TLCD4: variants seen among roughly 807,000 people sequenced by gnomAD.
TLCD4 encodes TLC domain containing 4.
Under a neutral mutation model 24.2 loss-of-function variants are expected in TLCD4, and 7 were observed. The observed-to-expected ratio is 0.29, with a 90% CI of 0.16 to 0.54. The LOEUF is 0.54. TLCD4 is among the 20% of genes least tolerant of loss of function. The pLI is 0.95. For synonymous variants in TLCD4, 103 were observed against 106.4 expected, an observed-to-expected ratio of 0.97 and a Z score of 0.20; for missense variants, 259 against 313.9, an observed-to-expected ratio of 0.82 and a Z score of 1.32.
chr1:95,120,411 C>T (rs1432300570), intron 1 of TLCD4: 1 of 152,218 alleles, frequency 6.6e-6, no homozygotes, highest in Non-Finnish European at 1.5e-5. Context: ...CTTGTTATTC[C>T]TGGTGAGACA....
intron 1 of TLCD4, among the ~76,000 whole-genome samples, chr1:95,128,545 G>T (rs1298664296): frequency 6.6e-6 from 1 of 152,142 alleles, no homozygotes; most frequent in Non-Finnish European, 1.5e-5. Context: ...GATACCAGTG[G>T]GAGAAATGAT....
At chr1:95,136,207 C>T (rs956263326) in intron 1 of TLCD4, among the ~76,000 whole-genome samples, 10 of 152,138 alleles carry the variant, frequency 6.6e-5, no homozygotes, top group African/African-American at 2.4e-4. Context: ...AAAAGATGCA[C>T]TTCCACTCTT....
At chr1:95,105,775 G>T in the TLCD4 span, among the ~76,000 whole-genome samples, 15 of 151,654 alleles carry the variant, frequency 9.9e-5, no homozygotes, top group Non-Finnish European at 2.9e-5. Context: ...GGTGCCTGTA[G>T]TCCCAGCTAC....
intron 5 of TLCD4, among the ~76,000 whole-genome samples, chr1:95,157,094 T>G (rs1159551726): frequency 6.6e-6 from 1 of 152,172 alleles, no homozygotes; most frequent in Non-Finnish European, 1.5e-5. Context: ...AATAATGTTT[T>G]AGCAGAGGCC....
intron 5 of TLCD4, among the ~76,000 whole-genome samples, chr1:95,168,643 C>T (rs1405173333): frequency 1.5e-5 from 2 of 136,952 alleles, no homozygotes; most frequent in African/African-American, 5.4e-5. Flanking sequence ...CCTGCCTCTG[C>T]TGGCATTATA....
chr1:95,148,921 A>T, intron 3 of TLCD4, 130 bp downstream of exon 3: 1 of 1,226,380 alleles, frequency 8.2e-7, no homozygotes, highest in Non-Finnish European at 1.1e-6. Context: ...GCTTGTGCTC[A>T]GACATTCTAG....
chr1:95,110,240 C>T, the TLCD4 span, among the ~76,000 whole-genome samples: 1 of 151,670 alleles, frequency 6.6e-6, no homozygotes, highest in East Asian at 1.9e-4. Context: ...TCCTCTAGTT[C>T]CTTTGACTGA....
the TLCD4 span, among the ~76,000 whole-genome samples, chr1:95,099,864 G>T: frequency 6.6e-6 from 1 of 151,826 alleles, no homozygotes; most frequent in South Asian, 2.1e-4. Context: ...AGGTACGGTG[G>T]CTCACGTCTA....
At chr1:95,102,682 G>A in the TLCD4 span, among the ~76,000 whole-genome samples, 2 of 152,200 alleles carry the variant, frequency 1.3e-5, no homozygotes, top group African/African-American at 4.8e-5. Context: ...ACAGGGTTAA[G>A]CCAAAGCTAA....
chr1:95,192,122 C>G lies in TLCD4; in HGVS notation c.*254C>G, dbSNP rs1395944944. 10 of 573,108 alleles carry G rather than the reference C, an allele frequency of 1.7e-5. No homozygotes were observed. In the Admixed American group the frequency reaches 2.7e-4, roughly 15 times the overall value. 35.5% of individuals were successfully genotyped at this position (573,108 alleles called of 1,614,324 possible). On this transcript the variant is annotated 3_prime_UTR_variant, in exon 7 of 7. Transcript: ENST00000370203. ...ACTAGCTTGGCCAACATGGTGAAACCTCATCTCTACTAAAAATACAAAAAA... is the reference window on the plus strand; with the variant it reads ...ACTAGCTTGGCCAACATGGTGAAACGTCATCTCTACTAAAAATACAAAAAA...
upstream of TLCD4, chr1:95,117,279 C>T (rs1452846337): frequency 6.6e-6 from 1 of 152,296 alleles, no homozygotes; most frequent in Non-Finnish European, 1.5e-5. Context: ...CGGCCCGCCT[C>T]GGGGCCCCGC....
chr1:95,168,163 A>T (rs2100980218), intron 5 of TLCD4, among the ~76,000 whole-genome samples: 1 of 152,318 alleles, frequency 6.6e-6, no homozygotes, highest in East Asian at 1.9e-4. Flanking sequence ...AAAAGTATTA[A>T]CCATTCATTA....
intron 1 of TLCD4, among the ~76,000 whole-genome samples, chr1:95,130,374 A>C (rs1054142220): frequency 2.0e-5 from 3 of 152,070 alleles, no homozygotes; most frequent in African/African-American, 7.2e-5. Context: ...GGCTGGTTTC[A>C]AACTCCTGAT....
chr1:95,174,662 CAG>C (rs936926790), intron 6 of TLCD4, among the ~76,000 whole-genome samples: 3 of 152,218 alleles, frequency 2.0e-5, no homozygotes, highest in Middle Eastern at 3.4e-3. Flanking sequence ...CTGGGCAAAA[CAG>C]AGAAACCCTG....
intron 5 of TLCD4, among the ~76,000 whole-genome samples, chr1:95,153,047 G>A (rs1677536269): frequency 6.6e-6 from 1 of 151,736 alleles, no homozygotes; most frequent in Non-Finnish European, 1.5e-5. Flanking sequence ...CAATTTCCAA[G>A]CCCACCATAT....
At chr1:95,149,711 C>T (rs1216457348) in intron 3 of TLCD4, among the ~76,000 whole-genome samples, 4 of 152,036 alleles carry the variant, frequency 2.6e-5, no homozygotes, top group African/African-American at 9.7e-5. Flanking sequence ...TGACCATCAG[C>T]AAAATAAAAC....
intron 5 of TLCD4, among the ~76,000 whole-genome samples, chr1:95,162,258 G>T (rs547093433): frequency 4.3e-4 from 66 of 151,932 alleles, no homozygotes; most frequent in East Asian, 2.7e-3. Flanking sequence ...TTATGTAATG[G>T]CCTTCTTTGT....
At chr1:95,150,963 A>G (rs926364101) in intron 4 of TLCD4, among the ~76,000 whole-genome samples, 2 of 152,192 alleles carry the variant, frequency 1.3e-5, no homozygotes, top group African/African-American at 4.8e-5. Flanking sequence ...AACAAATATT[A>G]TATTACATAT....
At position 95,145,598 on chromosome 1, in the gene TLCD4, A is replaced by G. The variant is rs200023863; in HGVS notation, c.155+1542A>G. On this transcript the variant is annotated intron_variant, in intron 2 of 6. Coordinates refer to ENST00000370203, the MANE Select transcript of TLCD4 (RefSeq NM_152487.3). ...CCATTACTTTAAAAAATCTTTTCTAACATATGAAGATAGATGGAATGGTAG... is the reference window on the plus strand; with the variant it reads ...CCATTACTTTAAAAAATCTTTTCTAGCATATGAAGATAGATGGAATGGTAG... 2.0e-5 allele frequency among the ~76,000 whole-genome samples: 3 copies of G among 152,338 alleles called. No individual in the cohort carries two copies. The East Asian group carries it at 5.8e-4, about 29-fold the overall frequency.
Sources: allele counts gnomAD v4.1 joint callset (sites outside exome capture counted in the v4.1 genomes callset), GRCh38; gene constraint gnomAD v4.1.1; transcripts MANE v1.5; gene names NCBI Gene and HGNC (gene_info 2026-07-23, HGNC 2026-07-21).